Variants in SPAG16 observed in about 807,000 individuals in gnomAD.
The protein encoded by SPAG16 is sperm associated antigen 16.
In SPAG16, 86 loss-of-function variants were observed where a neutral mutation model predicts 80.4. The observed-to-expected ratio is 1.07, with a 90% CI of 0.90 to 1.28. SPAG16 has a LOEUF of 1.28. Ranked by LOEUF, SPAG16 falls within the 50% of genes most tolerant of loss-of-function variation. SPAG16 has a pLI of 0.00. For missense variants in SPAG16, 870 were observed against 765.3 expected, an observed-to-expected ratio of 1.14 and a Z score of -1.61; for synonymous variants, 294 against 265.9, an observed-to-expected ratio of 1.11 and a Z score of -1.03.
At chr2:214,268,735 C>T (rs538582776) in intron 15 of SPAG16, among the ~76,000 whole-genome samples, 304 of 142,200 alleles carry the variant, frequency 2.1e-3, no homozygotes, top group Non-Finnish European at 3.4e-3. Context: ...AGGCAGCAAG[C>T]ATCTGAAGGG....
At chr2:213,890,149 A>G (rs1207812621) in intron 11 of SPAG16, among the ~76,000 whole-genome samples, 7 of 152,110 alleles carry the variant, frequency 4.6e-5, no homozygotes, top group Admixed American at 4.6e-4. Flanking sequence ...CAAGCCTTAT[A>G]AACATGTTCA....
intron 5 of SPAG16, among the ~76,000 whole-genome samples, chr2:213,331,379 A>C (rs1297446237): frequency 1.3e-5 from 2 of 152,238 alleles, no homozygotes; most frequent in Non-Finnish European, 2.9e-5. Flanking sequence ...CAGTCAGTTC[A>C]GCAAGAGGAT....
intron 10 of SPAG16, among the ~76,000 whole-genome samples, chr2:213,747,769 G>A (rs1478963062): frequency 6.6e-6 from 1 of 152,066 alleles, no homozygotes; most frequent in African/African-American, 2.4e-5. Context: ...ATACATCACC[G>A]TCTTGATACC....
At chr2:213,747,745 G>A (rs1316047723) in intron 10 of SPAG16, among the ~76,000 whole-genome samples, 1 of 152,126 alleles carries the variant, frequency 6.6e-6, no homozygotes, top group Non-Finnish European at 1.5e-5. Context: ...TTCGAAGAAG[G>A]ATACCATCTC....
intron 9 of SPAG16, among the ~76,000 whole-genome samples, chr2:213,485,327 T>C (rs1234289860): frequency 6.6e-6 from 1 of 152,174 alleles, no homozygotes; most frequent in Non-Finnish European, 1.5e-5. Flanking sequence ...GTTAATTCAT[T>C]GCATACTAGC....
rs371731559 is a variant in SPAG16 at position 213,654,224 on chromosome 2, A to G, written c.1070+164134A>G. 4.5e-4 allele frequency among the ~76,000 whole-genome samples: 68 copies of G among 152,300 alleles called. 1 individual carries two copies. The South Asian group carries it at 0.013, about 30-fold the overall frequency. ...TCTTAAATTATTGAGAACACAACTG[A>G]AACTCAGTATGTCAATACAAAGGGT... On this transcript the variant is annotated intron_variant, in intron 10 of 15. Coordinates refer to ENST00000331683, the MANE Select transcript of SPAG16 (RefSeq NM_024532.5).
intron 15 of SPAG16, among the ~76,000 whole-genome samples, chr2:214,280,169 T>C (rs1333979568): frequency 6.6e-6 from 1 of 152,196 alleles, no homozygotes; most frequent in Non-Finnish European, 1.5e-5. Flanking sequence ...GTTGGTTTAA[T>C]ATTTGAAATC....
At chr2:214,227,659 A>AG (rs1164494325) in intron 15 of SPAG16, among the ~76,000 whole-genome samples, 1 of 150,874 alleles carries the variant, frequency 6.6e-6, no homozygotes, top group Non-Finnish European at 1.5e-5. Context: ...TTGAGTAGCC[A>AG]GGAATTTTTG....
intron 13 of SPAG16, among the ~76,000 whole-genome samples, chr2:214,054,164 C>T (rs562462774): frequency 6.6e-6 from 1 of 152,208 alleles, no homozygotes; most frequent in East Asian, 1.9e-4. Context: ...TGCCCGCCCC[C>T]ATACCCGGCT....
At chr2:214,100,815 C>A (rs1377615674) in intron 13 of SPAG16, among the ~76,000 whole-genome samples, 1 of 151,978 alleles carries the variant, frequency 6.6e-6, no homozygotes, top group Non-Finnish European at 1.5e-5. Context: ...AGATTGATTT[C>A]ATGTCATTGC....
chr2:214,346,254 T>C (rs1052116347), intron 15 of SPAG16, among the ~76,000 whole-genome samples: 2 of 151,716 alleles, frequency 1.3e-5, no homozygotes, highest in African/African-American at 2.4e-5. Context: ...TAAATGTTCA[T>C]TTGTAAATTC....
chr2:213,870,194 A>G (rs544547962), intron 11 of SPAG16, among the ~76,000 whole-genome samples: 54 of 152,268 alleles, frequency 3.5e-4, no homozygotes, highest in African/African-American at 1.1e-3. Flanking sequence ...TACCTCCTTC[A>G]GGCTCTCTTC....
At chr2:213,567,479 G>A (rs1198778193) in intron 10 of SPAG16, among the ~76,000 whole-genome samples, 3 of 114,834 alleles carry the variant, frequency 2.6e-5, no homozygotes, top group African/African-American at 3.9e-5. Context: ...GAGAATATGC[G>A]GTGTTTGGTT....
chr2:213,986,648 T>C (rs2046018665), intron 12 of SPAG16, among the ~76,000 whole-genome samples: 1 of 151,886 alleles, frequency 6.6e-6, no homozygotes, highest in Non-Finnish European at 1.5e-5. Flanking sequence ...AAATAACATA[T>C]GCTGTCTGGT....
intron 10 of SPAG16, among the ~76,000 whole-genome samples, chr2:213,625,781 G>A (rs995536738): frequency 7.2e-5 from 11 of 152,026 alleles, no homozygotes; most frequent in East Asian, 1.9e-4. Context: ...CCTCCTAGGT[G>A]AGTTCGAGTG....
intron 14 of SPAG16, among the ~76,000 whole-genome samples, chr2:214,108,479 A>ACACCCCC (rs71409874): frequency 1.9e-5 from 1 of 52,374 alleles, no homozygotes; most frequent in African/African-American, 8.9e-5. Context: ...ACACACACAC[A>ACACCCCC]CCCCCACACA....
chr2:213,686,872 G>C (rs2064706955), intron 10 of SPAG16, among the ~76,000 whole-genome samples: 1 of 151,368 alleles, frequency 6.6e-6, no homozygotes, highest in Admixed American at 6.6e-5. Context: ...TTTAGCAGAG[G>C]TGGGGTTTCA....
At chr2:213,552,724 T>G (rs910910963) in intron 10 of SPAG16, among the ~76,000 whole-genome samples, 1 of 152,138 alleles carries the variant, frequency 6.6e-6, no homozygotes, top group African/African-American at 2.4e-5. Context: ...GATTAACATT[T>G]GAGTCAGTGG....
chr2:214,319,400 G>A (rs1695942257), intron 15 of SPAG16, among the ~76,000 whole-genome samples: 1 of 151,822 alleles, frequency 6.6e-6, no homozygotes, highest in Admixed American at 6.6e-5. Context: ...TGGTTGGGCT[G>A]TGTGGGAGAG....
Sources: gnomAD v4.1 joint callset for allele counts (sites outside exome capture counted in the v4.1 genomes callset) on GRCh38, gnomAD v4.1.1 for gene constraint, MANE v1.5 for transcripts, NCBI Gene and HGNC (gene_info 2026-07-23, HGNC 2026-07-21) for gene names.